PAPPA: variants seen among roughly 807,000 people sequenced by gnomAD.
The protein encoded by PAPPA is pappalysin 1.
A neutral mutation model predicts 164.0 loss-of-function variants in PAPPA; 60 were observed. The observed-to-expected ratio is 0.37, with a 90% CI of 0.30 to 0.45. The LOEUF is 0.45. PAPPA is among the 20% of genes least tolerant of loss of function. The pLI, the probability that PAPPA is intolerant of heterozygous loss-of-function variation, is 1.00. For synonymous variants in PAPPA, 875 were observed against 814.1 expected (o/e 1.07, Z -1.27); for missense variants, 1,782 against 2,087.3 (o/e 0.85, Z 2.85).
At chr9:116,361,980 G>A (rs10983115) in intron 17 of PAPPA, among the ~76,000 whole-genome samples, 3,871 of 152,048 alleles carry the variant, frequency 0.025, 155 homozygotes, top group African/African-American at 0.09. Flanking sequence ...AGATATATAA[G>A]TATCCCCATA....
intron 9 of PAPPA, among the ~76,000 whole-genome samples, chr9:116,293,674 G>T (rs1016146758): frequency 2.6e-5 from 4 of 152,228 alleles, no homozygotes; most frequent in African/African-American, 9.6e-5. Flanking sequence ...TTTCAAACAG[G>T]CTGGGCACGG....
intron 10 of PAPPA, among the ~76,000 whole-genome samples, chr9:116,322,461 G>GGAA (rs1333420877): frequency 3.3e-5 from 5 of 149,482 alleles, no homozygotes; most frequent in African/African-American, 1.2e-4. Flanking sequence ...CACTCTCCCA[G>GGAA]GAAAGCACTG....
At chr9:116,357,812 C>T (rs1261446053) in intron 17 of PAPPA, among the ~76,000 whole-genome samples, 2 of 152,100 alleles carry the variant, frequency 1.3e-5, no homozygotes, top group Admixed American at 6.5e-5. Context: ...CAGGGGAGGA[C>T]AAAAGCTAGA....
At chr9:116,363,911 T>G (rs1011900354) in intron 18 of PAPPA, among the ~76,000 whole-genome samples, 1 of 152,156 alleles carries the variant, frequency 6.6e-6, no homozygotes, top group African/African-American at 2.4e-5. Flanking sequence ...ACTCTTGTGT[T>G]TAGCCCAGGA....
chr9:116,365,993 G>C (rs927725681), intron 18 of PAPPA, among the ~76,000 whole-genome samples: 2 of 152,102 alleles, frequency 1.3e-5, no homozygotes, highest in African/African-American at 4.8e-5. Flanking sequence ...TGTATATTTG[G>C]AAGGGGGCCT....
At chr9:116,170,678 C>A in intron 1 of PAPPA, among the ~76,000 whole-genome samples, 1 of 150,740 alleles carries the variant, frequency 6.6e-6, no homozygotes, top group African/African-American at 2.4e-5. Flanking sequence ...TCCATCAATC[C>A]ATCCCCTTTC....
chr9:116,226,561 G>C (rs13284628), intron 5 of PAPPA, among the ~76,000 whole-genome samples: 42 of 152,274 alleles, frequency 2.8e-4, no homozygotes, highest in African/African-American at 1.0e-3. Flanking sequence ...CCGAGATTTT[G>C]TTTCCAGTCC....
chr9:116,246,551 C>T (rs1428216558), intron 7 of PAPPA, among the ~76,000 whole-genome samples: 1 of 152,152 alleles, frequency 6.6e-6, no homozygotes, highest in Admixed American at 6.5e-5. Flanking sequence ...AGGTGAGATT[C>T]TTAGCCACTT....
At chr9:116,302,385 C>G (rs373864657) in intron 9 of PAPPA, among the ~76,000 whole-genome samples, 1 of 152,098 alleles carries the variant, frequency 6.6e-6, no homozygotes, top group African/African-American at 2.4e-5. Context: ...CTCTCCATTT[C>G]CTCCTCCCCC....
chr9:116,389,554 C>T (rs1347767965), intron 21 of PAPPA, among the ~76,000 whole-genome samples: 1 of 152,110 alleles, frequency 6.6e-6, no homozygotes, highest in Non-Finnish European at 1.5e-5. Context: ...ACTGTCTATG[C>T]CTTTTCTTAT....
intron 1 of PAPPA, among the ~76,000 whole-genome samples, chr9:116,184,608 A>G (rs1843947742): frequency 6.6e-6 from 1 of 152,148 alleles, no homozygotes; most frequent in Non-Finnish European, 1.5e-5. Flanking sequence ...ATATATTTAG[A>G]GATACAGATG....
At chr9:116,327,749 C>T (rs1410045254) in intron 10 of PAPPA, among the ~76,000 whole-genome samples, 1 of 152,188 alleles carries the variant, frequency 6.6e-6, no homozygotes, top group African/African-American at 2.4e-5. Flanking sequence ...CAGTAAATGG[C>T]TGCTGAATGA....
intron 9 of PAPPA, among the ~76,000 whole-genome samples, chr9:116,291,462 C>G (rs1453489001): frequency 6.6e-6 from 1 of 152,134 alleles, no homozygotes; most frequent in Non-Finnish European, 1.5e-5. Context: ...ATAATACTAT[C>G]TGCTAAAGCA....
intron 9 of PAPPA, among the ~76,000 whole-genome samples, chr9:116,295,134 G>C (rs1845485680): frequency 6.6e-6 from 1 of 152,114 alleles, no homozygotes; most frequent in African/African-American, 2.4e-5. Flanking sequence ...AACCTCAATA[G>C]CTTCCCAGAC....
chr9:116,206,796 A>G (rs998305046), intron 2 of PAPPA, among the ~76,000 whole-genome samples: 1 of 152,220 alleles, frequency 6.6e-6, no homozygotes, highest in African/African-American at 2.4e-5. Context: ...GAGGGATACC[A>G]GAACAGACTT....
intron 13 of PAPPA, among the ~76,000 whole-genome samples, chr9:116,339,783 T>C (rs555876121): frequency 6.6e-6 from 1 of 152,174 alleles, no homozygotes; most frequent in Non-Finnish European, 1.5e-5. Flanking sequence ...GGGACCCTTG[T>C]CAGCCCTTTA....
intron 21 of PAPPA, among the ~76,000 whole-genome samples, chr9:116,393,561 C>T (rs1357497464): frequency 1.3e-5 from 2 of 152,106 alleles, no homozygotes; most frequent in African/African-American, 2.4e-5. Context: ...AAATAAGATG[C>T]TGTGATATGG....
chr9:116,343,842 C>T (rs1237781630), intron 13 of PAPPA, among the ~76,000 whole-genome samples: 1 of 152,048 alleles, frequency 6.6e-6, no homozygotes, highest in South Asian at 2.1e-4. Context: ...CTCACTGCAA[C>T]CTCCACCTCC....
intron 21 of PAPPA, among the ~76,000 whole-genome samples, chr9:116,394,462 C>T (rs891274908): frequency 6.6e-6 from 1 of 152,152 alleles, no homozygotes; most frequent in Non-Finnish European, 1.5e-5. Flanking sequence ...AAACAAGGAT[C>T]CCAACCCAAA....
Sources: allele counts gnomAD v4.1 joint callset (sites outside exome capture counted in the v4.1 genomes callset), GRCh38; gene constraint gnomAD v4.1.1; transcripts MANE v1.5; gene names NCBI Gene and HGNC (gene_info 2026-07-23, HGNC 2026-07-21).